Variants in FNBP1 observed in about 807,000 individuals in gnomAD.
The protein encoded by FNBP1 is formin binding protein 1.
FNBP1 carries 26 observed loss-of-function variants against 90.6 expected under a neutral mutation model. That is an observed-to-expected ratio of 0.29 (90% CI 0.21 to 0.40). The LOEUF is 0.40. Among genes scored for constraint, FNBP1 ranks in the 10% least tolerant of loss-of-function variants. FNBP1 has a pLI of 1.00. For missense variants in FNBP1, 635 were observed against 768.0 expected (o/e 0.83, Z 2.05); for synonymous variants, 260 against 265.2 (o/e 0.98, Z 0.19).
At chr9:129,959,915 C>T (rs1588888273) in intron 4 of FNBP1, among the ~76,000 whole-genome samples, 1 of 152,218 alleles carries the variant, frequency 6.6e-6, no homozygotes, top group South Asian at 2.1e-4. Flanking sequence ...TGGTCTGAGG[C>T]CTTTGGTAAC....
At chr9:129,936,681 T>C (rs544574185) in intron 6 of FNBP1, 2 of 152,276 alleles carry the variant, frequency 1.3e-5, no homozygotes, top group Admixed American at 1.3e-4. Flanking sequence ...TGATAACCAC[T>C]AGAGGATCAT....
At position 129,977,049 on chromosome 9, in the gene FNBP1, T is replaced by TC. The variant is rs547062338; in HGVS notation, c.345+1415dup. Among the ~76,000 whole-genome samples the TC allele has an allele frequency of 2.0e-4, 30 of 151,740 alleles. 1 individual carries two copies. The highest frequency in any genetic ancestry group is 7.3e-4 in the African/African-American group (30 of 41,364). ...TGGGCATGGTGGCGGGCACCTGTAA[T>TC]CTCAGCTACTGAGGGAGGAGAATCG... On this transcript the variant is annotated intron_variant, in intron 4 of 16. Transcript: ENST00000446176.
intron 2 of FNBP1, among the ~76,000 whole-genome samples, chr9:129,984,741 C>G (rs899961016): frequency 7.9e-5 from 12 of 151,992 alleles, no homozygotes; most frequent in African/African-American, 1.2e-4. Context: ...ATGGGGGGGG[C>G]CGGTCTTTCC....
intron 2 of FNBP1, among the ~76,000 whole-genome samples, chr9:129,981,066 AAG>A (rs2051170736): frequency 6.6e-6 from 1 of 150,966 alleles, no homozygotes; most frequent in East Asian, 2.0e-4. Context: ...AAAAAAAAAA[AAG>A]AGAAATAGCC....
At chr9:129,984,772 G>C (rs1015661295) in intron 2 of FNBP1, among the ~76,000 whole-genome samples, 4 of 152,232 alleles carry the variant, frequency 2.6e-5, no homozygotes, top group Admixed American at 2.6e-4. Context: ...TCGTGATAGT[G>C]AATAAGTCTC....
chr9:130,021,348 T>C (rs550774755), intron 1 of FNBP1, among the ~76,000 whole-genome samples: 15 of 152,206 alleles, frequency 9.9e-5, no homozygotes, highest in Non-Finnish European at 1.3e-4. Flanking sequence ...CAAATAGTTA[T>C]TTTCAGCCAC....
chr9:130,046,828 A>C (rs993522699), upstream of FNBP1, among the ~76,000 whole-genome samples: 1 of 149,788 alleles, frequency 6.7e-6, no homozygotes, highest in Non-Finnish European at 1.5e-5. Flanking sequence ...CAGAGAGGGC[A>C]CAGAAGTTCC....
chr9:130,017,982 C>T lies in FNBP1; in HGVS notation c.25-23024G>A, dbSNP rs553246686. 1.2e-3 allele frequency among the ~76,000 whole-genome samples: 166 copies of T among 138,130 alleles called. 1 individual carries two copies. Among genetic ancestry groups the T allele is most frequent in the African/African-American group, 4.4e-3 (164 of 36,900 alleles). 90.6% of individuals were successfully genotyped at this position (138,130 alleles called of 152,430 possible). A position where few individuals can be genotyped will look rare whatever the true frequency, so the allele number is the denominator to read the frequency against. On this transcript the variant is annotated intron_variant, in intron 1 of 16. Coordinates refer to ENST00000446176, the MANE Select transcript of FNBP1 (RefSeq NM_015033.3). ...AGGCTGGAGTGCAGCGGTGCAATCTCGGCTCACTGCAAGCTCTGCCTCCTG... is the reference window on the plus strand; with the variant it reads ...AGGCTGGAGTGCAGCGGTGCAATCTTGGCTCACTGCAAGCTCTGCCTCCTG...
intron 11 of FNBP1, among the ~76,000 whole-genome samples, chr9:129,909,977 C>T (rs929493706): frequency 1.3e-5 from 2 of 151,930 alleles, no homozygotes; most frequent in African/African-American, 2.4e-5. Context: ...GTGTACGAAA[C>T]TCATCTCCGC....
chr9:129,919,202 G>A (rs1284940245), intron 10 of FNBP1: 22 of 1,303,032 alleles, frequency 1.7e-5, no homozygotes, highest in African/African-American at 3.0e-5. Flanking sequence ...TTTCCCTATC[G>A]TCCTCTTCAT....
At chr9:130,009,437 G>A (rs568109457) in intron 1 of FNBP1, among the ~76,000 whole-genome samples, 20 of 152,190 alleles carry the variant, frequency 1.3e-4, no homozygotes, top group East Asian at 5.8e-4. Flanking sequence ...CGAGGCAAGC[G>A]GATCACTTGA....
At chr9:129,912,498 G>C (rs1192013732) in intron 11 of FNBP1, among the ~76,000 whole-genome samples, 1 of 151,792 alleles carries the variant, frequency 6.6e-6, no homozygotes, top group Non-Finnish European at 1.5e-5. Flanking sequence ...AGACGAGCCT[G>C]ACCAACATGG....
chr9:130,007,474 C>T (rs7874444), intron 1 of FNBP1, among the ~76,000 whole-genome samples: 5,396 of 152,068 alleles, frequency 0.035, 183 homozygotes, highest in African/African-American at 0.085. Context: ...GGGAAAATCA[C>T]AACCTGTAGA....
intron 11 of FNBP1, among the ~76,000 whole-genome samples, chr9:129,913,001 C>T (rs1002482408): frequency 3.9e-5 from 6 of 152,098 alleles, no homozygotes; most frequent in Admixed American, 1.3e-4. Context: ...GAGCGGATCA[C>T]CTGAGGTCAG....
intron 2 of FNBP1, 69 bp from the exon 3 acceptor site, chr9:129,979,443 A>G: frequency 1.8e-6 from 2 of 1,087,410 alleles, no homozygotes; most frequent in African/African-American, 1.6e-5. Flanking sequence ...ATGAAAGATA[A>G]CATTAGTGCT....
intron 2 of FNBP1, 129 bp from the exon 3 acceptor site, chr9:129,979,503 T>C: frequency 1.6e-6 from 1 of 638,058 alleles, no homozygotes; most frequent in East Asian, 2.6e-5. Context: ...TGAAATCCAT[T>C]TCCTTCAATC....
At chr9:129,926,546 C>A (rs1161640211) in intron 8 of FNBP1, among the ~76,000 whole-genome samples, 3 of 151,964 alleles carry the variant, frequency 2.0e-5, no homozygotes, top group Non-Finnish European at 2.9e-5. Flanking sequence ...GAAATGCCCC[C>A]AACAAGAAAA....
intron 16 of FNBP1, chr9:129,895,450 G>T (rs914824942): frequency 8.9e-7 from 1 of 1,122,932 alleles, no homozygotes; most frequent in African/African-American, 1.6e-5. Context: ...AACAAGAGTA[G>T]GGAAGTCTTT....
chr9:130,038,326 T>C (rs1441621164), intron 1 of FNBP1, among the ~76,000 whole-genome samples: 6 of 123,440 alleles, frequency 4.9e-5, no homozygotes, highest in African/African-American at 1.9e-4. Flanking sequence ...CCCACTGCAC[T>C]CCAGCCTGGG....
Sources: gnomAD v4.1 joint callset for allele counts (sites outside exome capture counted in the v4.1 genomes callset) on GRCh38, gnomAD v4.1.1 for gene constraint, MANE v1.5 for transcripts, NCBI Gene and HGNC (gene_info 2026-07-23, HGNC 2026-07-21) for gene names.